The following RAB11FIP5 variants were observed in gnomAD, a reference collection of about 807,000 sequenced individuals.
RAB11FIP5 encodes rab11 family-interacting protein 5.
Under a neutral mutation model 85.1 loss-of-function variants are expected in RAB11FIP5, and 48 were observed. The ratio of observed to expected loss-of-function variants is 0.56; its 90% CI spans 0.45 to 0.72. The LOEUF is 0.72. Ranked by LOEUF, RAB11FIP5 falls within the 30% of genes least tolerant of loss-of-function variation. RAB11FIP5 has a pLI of 0.00. For missense variants in RAB11FIP5, 1,491 were observed against 1,687.0 expected (o/e 0.88, Z 2.04); for synonymous variants, 729 against 727.3 (o/e 1.00, Z -0.04).
In RAB11FIP5 at chr2:73,074,291, T is replaced by C. The variant is rs1180012605; in HGVS notation, c.*1230A>G. 1 of 152,334 alleles carries C rather than the reference T, an allele frequency of 6.6e-6. No homozygotes were observed. The highest frequency in any genetic ancestry group is 1.9e-4 in the East Asian group (1 of 5,184). The allele number at this position is 152,334 out of a possible 1,614,324, so 9.4% of individuals were successfully genotyped here. On this transcript the variant is annotated 3_prime_UTR_variant, in exon 6 of 6. Transcript: ENST00000486777. ...CCTCTTCCAGGCAAGCTGACTGGTCTAGTATGGCTAAGTCCTGAGGCCAGA... is the reference window on the plus strand; with the variant it reads ...CCTCTTCCAGGCAAGCTGACTGGTCCAGTATGGCTAAGTCCTGAGGCCAGA...
intron 1 of RAB11FIP5, among the ~76,000 whole-genome samples, chr2:73,098,196 C>G (rs1033997228): frequency 7.2e-5 from 11 of 152,196 alleles, no homozygotes; most frequent in Admixed American, 5.9e-4. Context: ...AGCCTACCCT[C>G]TCCTCACAAG....
In RAB11FIP5 at chr2:73,081,035, G is replaced by A; in HGVS notation, c.2197C>T (p.Gln733Ter). 1 of 1,232,602 alleles carries A rather than the reference G, an allele frequency of 8.1e-7. No individual in the cohort carries two copies. The highest frequency in any genetic ancestry group is 1.0e-6 in the Non-Finnish European group (1 of 988,310). The allele number at this position is 1,232,602 out of a possible 1,614,324, so 76.4% of individuals were successfully genotyped here. ...RVPLDLGPNH[Q>*]SASAADPGLL... ...CCTGGGTCAGCCGCGCTCGCGCTCT[G>A]GTGGTTCGGTCCCAAGTCCAGAGGA... The change falls in exon 4 of 6, where the codon CAG (glutamine) becomes TAG (stop). Residue 733 changes from glutamine to a stop codon, truncating the protein, a stop_gained. Transcript: ENST00000486777. LOFTEE classifies it high-confidence loss of function. The surrounding 1 kb of genome is among the most constrained non-coding windows in gnomAD (Gnocchi z 4.2).
chr2:73,094,550 G>A (rs556313008), intron 1 of RAB11FIP5, among the ~76,000 whole-genome samples: 1 of 152,306 alleles, frequency 6.6e-6, no homozygotes, highest in African/African-American at 2.4e-5. Flanking sequence ...GTCCCGGCCT[G>A]GTTATCTATA....
At chr2:73,082,822 G>A (rs759150057) in intron 3 of RAB11FIP5, among the ~76,000 whole-genome samples, 5 of 152,176 alleles carry the variant, frequency 3.3e-5, no homozygotes, top group African/African-American at 9.7e-5. Context: ...CCAGAGATGC[G>A]GGCAGGGGCG....
chr2:73,094,829 C>G (rs1369580344), intron 1 of RAB11FIP5, among the ~76,000 whole-genome samples: 1 of 152,116 alleles, frequency 6.6e-6, no homozygotes, highest in Non-Finnish European at 1.5e-5. Flanking sequence ...ATCCCTCCCC[C>G]AGGAGGGGGT....
At chr2:73,104,889 C>T (rs1293046436) in intron 1 of RAB11FIP5, among the ~76,000 whole-genome samples, 1 of 152,222 alleles carries the variant, frequency 6.6e-6, no homozygotes, top group East Asian at 1.9e-4. Context: ...TTAGGCTTAT[C>T]TCAAACATAT....
In RAB11FIP5 at chr2:73,079,708, G is replaced by C. The variant is rs556838520; in HGVS notation, c.3524C>G (p.Pro1175Arg). 1.6e-6 allele frequency: 2 copies of C among 1,233,368 alleles called. No individual in the cohort carries two copies. The highest frequency in any genetic ancestry group is 2.0e-6 in the Non-Finnish European group (2 of 988,982). The allele number at this position is 1,233,368 out of a possible 1,614,324, so 76.4% of individuals were successfully genotyped here. A position where few individuals can be genotyped will look rare whatever the true frequency, so the allele number is the denominator to read the frequency against. Residue 1175 changes from proline to arginine, a missense_variant, in exon 4 of 6, where the codon CCG (proline) becomes CGG (arginine). Coordinates refer to ENST00000486777, the MANE Select transcript of RAB11FIP5 (RefSeq NM_001371272.1). ...TGTCTCCAAGGGCAGAAGCACAAGC[G>C]GGGAGGCTGGGGTGGCTGCAGCGAG... is the stretch of plus-strand genomic sequence containing the variant. Reference protein sequence around the residue: ...EDLAAATPASPLVLLPLETRP... With the variant: ...EDLAAATPASRLVLLPLETRP...
In RAB11FIP5 at chr2:73,080,284, C is replaced by A; in HGVS notation, c.2948G>T (p.Ser983Ile). The change falls in exon 4 of 6, where the codon AGC (serine) becomes ATC (isoleucine). Residue 983 changes from serine (S) to isoleucine (I), a missense_variant. Ser to Ile is a moderately radical substitution (Grantham distance 142, BLOSUM62 -2). Around this residue, in one of 3 missense-constraint regions of RAB11FIP5, gnomAD observed 1,211 missense variants for 1,338.0 expected, o/e 0.91. Transcript: ENST00000486777. ...PGLEELVEDASPPVSGPCLSA... is the reference protein window; with the variant it reads ...PGLEELVEDAIPPVSGPCLSA... ...CAGGCAGGGCCCAGACACAGGGGGG[C>A]TGGCATCCTCCACTAGCTCTTCCAG... 2 of 1,232,964 alleles carry A rather than the reference C, an allele frequency of 1.6e-6. No individual in the cohort carries two copies. Among genetic ancestry groups the A allele is most frequent in the Non-Finnish European group, 2.0e-6 (2 of 988,662 alleles). 76.4% of individuals were successfully genotyped at this position (1,232,964 alleles called of 1,614,324 possible). A position where few individuals can be genotyped will look rare whatever the true frequency, so the allele number is the denominator to read the frequency against.
chr2:73,076,149 A>G lies in RAB11FIP5; in HGVS notation c.3615T>C (p.Pro1205=). The change falls in exon 5 of 6, where the codon CCT becomes CCC. Residue 1205 remains proline, a synonymous_variant. Coordinates refer to ENST00000486777, the MANE Select transcript of RAB11FIP5 (RefSeq NM_001371272.1). Reference sequence around the variant, plus strand: ...GCTTCCTGTCGGGGCTGCCCTCCACAGGGGCGGCACTGAGGGGCTTCACGG... The same window carrying G: ...GCTTCCTGTCGGGGCTGCCCTCCACGGGGGCGGCACTGAGGGGCTTCACGG... ...PHPVKPLSAA[P]VEGSPDRKQS... 6.2e-7 allele frequency: 1 copy of G among 1,613,224 alleles called. No individual in the cohort carries two copies. The highest frequency in any genetic ancestry group is 1.1e-5 in the South Asian group (1 of 91,054).
chr2:73,107,205 C>G (rs1031698165), intron 1 of RAB11FIP5, among the ~76,000 whole-genome samples: 1 of 152,234 alleles, frequency 6.6e-6, no homozygotes, highest in African/African-American at 2.4e-5. Context: ...CATGGCTACA[C>G]TATTTTGCAA....
chr2:73,099,051 C>CTTTTTTTTTTTTTTTTTTT (rs1036385402), intron 1 of RAB11FIP5, among the ~76,000 whole-genome samples: 1 of 105,854 alleles, frequency 9.4e-6, no homozygotes. Flanking sequence ...TTTCTTTTTT[C>CTTTTTTTTTTTTTTTTTTT]TTTTTTTTTT....
In RAB11FIP5 at chr2:73,081,465, T is replaced by TGGGGTGGCTTCA. The variant is rs1449560165; in HGVS notation, c.1755_1766dup (p.Glu586_Pro589dup). On this transcript the variant is annotated inframe_insertion, in exon 4 of 6. Transcript: ENST00000486777. This position sits in a 1 kb window ranked among gnomAD's most constrained non-coding sequence, Gnocchi z 4.2. Reference sequence around the variant, plus strand: ...GGTTGGTAAGACCCAATAATCCAGGTGGGGTGGCTTCAGGGGCGGCGGTGG... The same window carrying TGGGGTGGCTTCA: ...GGTTGGTAAGACCCAATAATCCAGGTGGGGTGGCTTCAGGGGTGGCTTCAGGGGCGGCGGTGG... 1 of 1,233,546 alleles carries TGGGGTGGCTTCA rather than the reference T, an allele frequency of 8.1e-7. No individual in the cohort carries two copies. The highest frequency in any genetic ancestry group is 1.0e-6 in the Non-Finnish European group (1 of 989,074). 76.4% of individuals were successfully genotyped at this position (1,233,546 alleles called of 1,614,324 possible). A position where few individuals can be genotyped will look rare whatever the true frequency, so the allele number is the denominator to read the frequency against.
In RAB11FIP5 at chr2:73,075,649, G is replaced by T; in HGVS notation, c.3847C>A (p.Arg1283=). The T allele has an allele frequency of 6.2e-7, 1 of 1,613,796 alleles. No homozygotes were observed. Among genetic ancestry groups the T allele is most frequent in the African/African-American group, 1.3e-5 (1 of 75,038 alleles). ...HDELISLLLQ[R]ERELSQRDEH... ...TCCCGCTGGCTCAGCTCCCGCTCCC[G>T]CTGCAGGAGCAGGCTGATGAGCTCA... Residue 1283 remains arginine, a synonymous_variant, in exon 6 of 6, where the codon CGG becomes AGG. Coordinates refer to ENST00000486777, the MANE Select transcript of RAB11FIP5 (RefSeq NM_001371272.1). The surrounding 1 kb of genome is among the most constrained non-coding windows in gnomAD (Gnocchi z 4.6).
chr2:73,100,321 T>G (rs1303755951), intron 1 of RAB11FIP5, among the ~76,000 whole-genome samples: 3 of 152,194 alleles, frequency 2.0e-5, no homozygotes, highest in Non-Finnish European at 2.9e-5. Context: ...ACAAAAGGCC[T>G]GCAGCCTTCA....
chr2:73,101,981 C>T (rs757416245), intron 1 of RAB11FIP5, among the ~76,000 whole-genome samples: 26 of 152,272 alleles, frequency 1.7e-4, no homozygotes, highest in African/African-American at 4.3e-4. Context: ...ACATAGCTAA[C>T]GGAAGATGGT....
chr2:73,076,115 A>T lies in RAB11FIP5; in HGVS notation c.3649T>A (p.Ser1217Thr). 6 of 1,614,032 alleles carry T rather than the reference A, an allele frequency of 3.7e-6. No individual in the cohort carries two copies. Among genetic ancestry groups the T allele is most frequent in the Non-Finnish European group, 5.1e-6 (6 of 1,179,906 alleles). Reference protein sequence around the residue: ...EGSPDRKQSRSSLSIALSSGL... With the variant: ...EGSPDRKQSRTSLSIALSSGL... ...CTGCTCAGGGCTATGCTCAGACTGGAGCGGGACTGCTTCCTGTCGGGGCTG... is the reference window on the plus strand; with the variant it reads ...CTGCTCAGGGCTATGCTCAGACTGGTGCGGGACTGCTTCCTGTCGGGGCTG... The change falls in exon 5 of 6, where the codon TCC becomes ACC. Residue 1217 changes from serine to threonine, a missense_variant. This residue lies in a region of RAB11FIP5 where 232 missense variants were observed against 259.1 expected (regional missense o/e 0.90). Transcript: ENST00000486777.
intron 1 of RAB11FIP5, among the ~76,000 whole-genome samples, chr2:73,106,987 G>A (rs551990680): frequency 2.2e-4 from 33 of 152,234 alleles, no homozygotes; most frequent in East Asian, 9.7e-4. Context: ...CTGAGAGGCC[G>A]GGGCCCAGCT....
At position 73,088,369 on chromosome 2, in the gene RAB11FIP5, C is replaced by G; in HGVS notation, c.1249G>C (p.Ala417Pro). The G allele has an allele frequency of 6.2e-7, 1 of 1,613,794 alleles. No homozygotes were observed. Among genetic ancestry groups the G allele is most frequent in the Non-Finnish European group, 8.5e-7 (1 of 1,180,024 alleles). The change falls in exon 3 of 6, where the codon GCC becomes CCC. Residue 417 changes from alanine (A) to proline (P), a missense_variant. Around this residue, in one of 3 missense-constraint regions of RAB11FIP5, gnomAD observed 1,211 missense variants for 1,338.0 expected, o/e 0.91. Transcript: ENST00000486777. ...SAQAKVLAPGASHPGEEEGAR... is the reference protein window; with the variant it reads ...SAQAKVLAPGPSHPGEEEGAR... ...CCCTCCTCCTCTCCAGGGTGGCTGG[C>G]CCCAGGGGCCAGGACTTTAGCCTGA...
At chr2:73,100,503 G>A (rs1225693542) in intron 1 of RAB11FIP5, among the ~76,000 whole-genome samples, 1 of 142,938 alleles carries the variant, frequency 7.0e-6, no homozygotes, top group Non-Finnish European at 1.5e-5. Context: ...TCAGCTCACT[G>A]CAATCTCCGC....
Sources: gnomAD v4.1 joint callset for allele counts (sites outside exome capture counted in the v4.1 genomes callset) on GRCh38, gnomAD v4.1.1 for gene constraint, gnomAD v4.1.1 regional missense constraint, Gnocchi (gnomAD v3.1) non-coding constraint, MANE v1.5 for transcripts, NCBI Gene and HGNC (gene_info 2026-07-23, HGNC 2026-07-21) for gene names.